Variants in TANC2 observed in about 807,000 individuals in gnomAD.
TANC2 encodes the protein protein TANC2.
In TANC2, 26 loss-of-function variants were observed where a neutral mutation model predicts 210.5. The observed-to-expected ratio is 0.12, with a 90% confidence interval of 0.09 to 0.17. TANC2 has a LOEUF of 0.17. Among genes scored for constraint, TANC2 ranks in the 10% least tolerant of loss-of-function variants. The pLI is 1.00. For synonymous variants in TANC2, 931 were observed against 967.1 expected (o/e 0.96, Z 0.69); for missense variants, 2,129 against 2,608.9 (o/e 0.82, Z 4.01).
Position 63,097,581 on chromosome 17 carries a change from A to T in TANC2, c.140-1594A>T, listed in dbSNP as rs558686872. On this transcript the variant is annotated intron_variant, in intron 3 of 27. Coordinates refer to ENST00000689528, the Ensembl canonical transcript of TANC2. ...CTGATAAGCTTTAAAAAATTGCAAA[A>T]AAAAAAAAAAAGTAATGTTTTAAGA... Among the ~76,000 whole-genome samples the T allele has an allele frequency of 1.2e-3, 186 of 149,460 alleles. 1 individual carries two copies. The highest frequency in any genetic ancestry group is 4.4e-3 in the African/African-American group (179 of 40,712).
intron 9 of TANC2, among the ~76,000 whole-genome samples, chr17:63,304,145 C>G (rs567934934): frequency 6.6e-6 from 1 of 152,228 alleles, no homozygotes; most frequent in South Asian, 2.1e-4. Context: ...GCGTTGCGAT[C>G]ATTTGGAGGA....
chr17:63,138,974 A>G (rs2039189377), intron 4 of TANC2, among the ~76,000 whole-genome samples: 1 of 152,198 alleles, frequency 6.6e-6, no homozygotes, highest in African/African-American at 2.4e-5. Flanking sequence ...ACCTCTGACT[A>G]TGCCATCCGT....
intron 4 of TANC2, 120 bp downstream of exon 4, chr17:63,099,477 C>A: frequency 1.7e-6 from 1 of 595,732 alleles, no homozygotes; most frequent in Non-Finnish European, 2.5e-6. Context: ...TTCCTAATGT[C>A]ACAGACTCTT....
chr17:63,284,202 C>T (rs1190555704), intron 9 of TANC2, among the ~76,000 whole-genome samples: 1 of 151,810 alleles, frequency 6.6e-6, no homozygotes, highest in Non-Finnish European at 1.5e-5. Flanking sequence ...TCCTCAACAT[C>T]AATAGAAGTT....
At chr17:63,399,490 G>A (rs980666157) in intron 19 of TANC2, among the ~76,000 whole-genome samples, 4 of 152,140 alleles carry the variant, frequency 2.6e-5, no homozygotes, top group South Asian at 4.1e-4. Context: ...TGTATCGTTC[G>A]GTACAATGCA....
In TANC2 at chr17:63,215,912, G is replaced by T. The variant is rs2042014590; in HGVS notation, c.769+14955G>T. On this transcript the variant is annotated intron_variant, in intron 7 of 27. Transcript: ENST00000689528. ...CTACAGGCGTCCGCCACCACGCCCA[G>T]CTAATTTTTTGTATTTTGTTAGTAG... Among the ~76,000 whole-genome samples, 2 of 152,164 alleles carry T rather than the reference G, an allele frequency of 1.3e-5. 1 individual carries two copies. The highest frequency in any genetic ancestry group is 3.9e-4 in the East Asian group (2 of 5,170).
At chr17:63,049,623 G>A (rs563374206) in intron 2 of TANC2, among the ~76,000 whole-genome samples, 1 of 152,352 alleles carries the variant, frequency 6.6e-6, no homozygotes, top group Admixed American at 6.5e-5. Flanking sequence ...GCCAGGTAAT[G>A]TAGAGCTTTG....
intron 2 of TANC2, among the ~76,000 whole-genome samples, chr17:63,051,182 G>C (rs2035568734): frequency 1.3e-5 from 2 of 152,136 alleles, no homozygotes; most frequent in Non-Finnish European, 2.9e-5. Context: ...TGCCTTTTGT[G>C]ATTATGCTTT....
intron 2 of TANC2, among the ~76,000 whole-genome samples, chr17:63,027,633 G>GT (rs1331748556): frequency 6.6e-6 from 1 of 151,726 alleles, no homozygotes; most frequent in African/African-American, 2.4e-5. Flanking sequence ...TTATGCTTCT[G>GT]TTTTTTTGAG....
At chr17:63,066,433 G>A (rs1222809323) in intron 2 of TANC2, among the ~76,000 whole-genome samples, 1 of 152,106 alleles carries the variant, frequency 6.6e-6, no homozygotes, top group Non-Finnish European at 1.5e-5. Flanking sequence ...CTGGCACTGG[G>A]GCAGGCGTGG....
chr17:63,224,974 A>G (rs1030931526), intron 7 of TANC2, among the ~76,000 whole-genome samples: 14 of 152,124 alleles, frequency 9.2e-5, no homozygotes, highest in Non-Finnish European at 1.6e-4. Context: ...TTTGTCTCCT[A>G]TATCTTTTTT....
intron 19 of TANC2, among the ~76,000 whole-genome samples, chr17:63,403,373 T>C (rs1044262525): frequency 6.6e-6 from 1 of 152,218 alleles, no homozygotes; most frequent in African/African-American, 2.4e-5. Flanking sequence ...CCAAATGGTT[T>C]GTTTTATGCA....
intron 7 of TANC2, among the ~76,000 whole-genome samples, chr17:63,216,555 T>TG (rs1357044159): frequency 6.6e-6 from 1 of 152,188 alleles, no homozygotes; most frequent in African/African-American, 2.4e-5. Context: ...ACCTGGGACT[T>TG]GCAGCTGGCA....
chr17:63,090,415 A>C (rs916000967), intron 3 of TANC2, among the ~76,000 whole-genome samples: 1 of 151,170 alleles, frequency 6.6e-6, no homozygotes, highest in Non-Finnish European at 1.5e-5. Flanking sequence ...TCCTGTGTCC[A>C]TGTGTTCTCA....
At chr17:63,308,266 C>T (rs560550211) in intron 9 of TANC2, among the ~76,000 whole-genome samples, 1 of 152,330 alleles carries the variant, frequency 6.6e-6, no homozygotes, top group East Asian at 1.9e-4. Flanking sequence ...AAATCTTTGG[C>T]TTCTTCCGCT....
intron 3 of TANC2, among the ~76,000 whole-genome samples, chr17:63,081,789 C>G (rs1449744432): frequency 2.0e-5 from 3 of 152,074 alleles, no homozygotes; most frequent in African/African-American, 7.2e-5. Flanking sequence ...ATAATTGGCC[C>G]AATTAACACT....
chr17:63,264,505 G>A (rs140327005), intron 8 of TANC2, among the ~76,000 whole-genome samples: 3 of 152,156 alleles, frequency 2.0e-5, no homozygotes, highest in East Asian at 1.9e-4. Flanking sequence ...GTTTCACCTC[G>A]CCTTTGCAAG....
rs1598829544 is a variant in TANC2 at position 63,311,463 on chromosome 17, T to C, written c.1160-2925T>C. ...AACTCAGAATACATGCTAATAGCAT[T>C]TCTCTCTAGCTAATGGAAACACAGT... On this transcript the variant is annotated intron_variant, in intron 9 of 27. Transcript: ENST00000689528. 2.0e-5 allele frequency among the ~76,000 whole-genome samples: 3 copies of C among 152,208 alleles called. No individual in the cohort carries two copies. In the East Asian group the frequency reaches 5.8e-4, roughly 29 times the overall value.
At chr17:63,247,290 A>AT (rs1417955905) in intron 8 of TANC2, among the ~76,000 whole-genome samples, 4 of 151,548 alleles carry the variant, frequency 2.6e-5, no homozygotes, top group Non-Finnish European at 4.4e-5. Flanking sequence ...CAATTTGTCA[A>AT]TTTTTTTTCT....
Sources: gnomAD v4.1 joint callset for allele counts (sites outside exome capture counted in the v4.1 genomes callset) on GRCh38, gnomAD v4.1.1 for gene constraint, MANE v1.5 for transcripts, NCBI Gene and HGNC (gene_info 2026-07-23, HGNC 2026-07-21) for gene names.